CDCP1: variants seen among roughly 807,000 people sequenced by gnomAD.
CDCP1 encodes the protein CUB domain-containing protein 1.
CDCP1 carries 29 observed loss-of-function variants against 60.2 expected under a neutral mutation model. The ratio of observed to expected loss-of-function variants is 0.48; its 90% confidence interval spans 0.36 to 0.66. CDCP1 has a LOEUF of 0.66. Among genes scored for constraint, CDCP1 ranks in the 30% least tolerant of loss-of-function variants. The pLI is 0.00. For synonymous variants in CDCP1, 387 were observed against 431.1 expected (o/e 0.90, Z 1.27); for missense variants, 876 against 1,074.3 (o/e 0.82, Z 2.58).
rs1168480768 is a variant in CDCP1 at position 45,091,164 on chromosome 3, G to A, written c.1993+9C>T. On this transcript the variant is annotated intron_variant, in intron 7 of 8. Transcript: ENST00000296129. The surrounding 1 kb of genome is among the most constrained non-coding windows in gnomAD (Gnocchi z 4.8). The stretch of plus-strand genomic sequence containing the variant: ...CATCACTGTCCCCAAAGACCCTGAA[G>A]GCCCTTACCCACAGTCCTTGGGGTA... 2 of 1,603,938 alleles carry A rather than the reference G, an allele frequency of 1.2e-6. No homozygotes were observed. The highest frequency in any genetic ancestry group is 1.7e-6 in the Non-Finnish European group (2 of 1,173,176).
chr3:45,142,237 C>A (rs554863166), intron 1 of CDCP1, among the ~76,000 whole-genome samples: 2 of 152,138 alleles, frequency 1.3e-5, no homozygotes, highest in African/African-American at 2.4e-5. Flanking sequence ...TGACCTCAAT[C>A]AGGGGTCTTT....
Position 45,086,653 on chromosome 3 carries a change from C to T in CDCP1, c.2082-586G>A, listed in dbSNP as rs562361252. ...CAGCATTAGCAGAGAGACCCAGTGC[C>T]TCAGTAGTCACCCCCAACAGAGGAA... On this transcript the variant is annotated intron_variant, in intron 8 of 8. Transcript: ENST00000296129. Among the ~76,000 whole-genome samples the T allele has an allele frequency of 9.6e-4, 146 of 152,322 alleles. 5 individuals are homozygous for T. The South Asian group carries it at 0.029, about 30-fold the overall frequency.
chr3:45,129,419 G>C (rs1699051207), intron 1 of CDCP1, among the ~76,000 whole-genome samples: 1 of 152,162 alleles, frequency 6.6e-6, no homozygotes, highest in African/African-American at 2.4e-5. Flanking sequence ...CTTTGAACAC[G>C]GGAATTGCAG....
intron 8 of CDCP1, among the ~76,000 whole-genome samples, chr3:45,087,772 C>A (rs1698220453): frequency 6.6e-6 from 1 of 152,144 alleles, no homozygotes; most frequent in Non-Finnish European, 1.5e-5. Context: ...GTAATCTCAG[C>A]ACTTTGGGAG....
chr3:45,144,404 G>A (rs954989836), intron 1 of CDCP1, among the ~76,000 whole-genome samples: 19 of 152,200 alleles, frequency 1.2e-4, no homozygotes, highest in Admixed American at 3.3e-4. Flanking sequence ...TCAGCCTGAT[G>A]TACCCTCAAA....
intron 1 of CDCP1, among the ~76,000 whole-genome samples, chr3:45,124,711 G>C (rs1313322059): frequency 1.3e-5 from 2 of 152,188 alleles, no homozygotes; most frequent in African/African-American, 2.4e-5. Context: ...TTTTCAGACT[G>C]AGCATCAGAT....
intron 1 of CDCP1, among the ~76,000 whole-genome samples, chr3:45,143,506 A>G (rs542669665): frequency 6.6e-6 from 1 of 152,364 alleles, no homozygotes; most frequent in South Asian, 2.1e-4. Flanking sequence ...ATACAATGGG[A>G]TGATCCCATT....
At chr3:45,086,156 C>A (rs1698190650) in intron 8 of CDCP1, 89 bp from the exon 9 acceptor site, 8 of 1,165,214 alleles carry the variant, frequency 6.9e-6, no homozygotes, top group Admixed American at 5.9e-5. Flanking sequence ...AGCTTGGATT[C>A]TTTAGGGTTC....
In CDCP1 at chr3:45,118,511, T is replaced by C; in HGVS notation, c.193A>G (p.Ile65Val). Residue 65 changes from isoleucine (I) to valine (V), a missense_variant, in exon 2 of 9, where the codon ATA (isoleucine) becomes GTA (valine). This residue lies in a region of CDCP1 where 150 missense variants were observed against 138.6 expected (regional missense o/e 1.08). Transcript: ENST00000296129. ...CCAGACTTGATGGACAACATGGTTA[T>C]ATGTCTTTTAGAAATGACGATGTAA... Reference protein sequence around the residue: ...PCYIVISKRHITMLSIKSGER... With the variant: ...PCYIVISKRHVTMLSIKSGER... 1.2e-6 allele frequency: 2 copies of C among 1,614,164 alleles called. No individual in the cohort carries two copies. The highest frequency in any genetic ancestry group is 1.7e-6 in the Non-Finnish European group (2 of 1,179,972).
intron 1 of CDCP1, among the ~76,000 whole-genome samples, chr3:45,134,150 T>G (rs1699152983): frequency 6.9e-6 from 1 of 145,672 alleles, no homozygotes; most frequent in African/African-American, 2.6e-5. Flanking sequence ...ACTTCTTTCT[T>G]TTTTTTTTTT....
chr3:45,143,264 T>C (rs1267628696), intron 1 of CDCP1, among the ~76,000 whole-genome samples: 1 of 152,136 alleles, frequency 6.6e-6, no homozygotes, highest in Non-Finnish European at 1.5e-5. Flanking sequence ...CTTAGATACA[T>C]CAAAATGGGA....
chr3:45,093,546 G>A lies in CDCP1; in HGVS notation c.1358C>T (p.Pro453Leu). ...LHDFSWKLLVPKDRLSLVLVP... is the reference protein window; with the variant it reads ...LHDFSWKLLVLKDRLSLVLVP... ...CAGCACCAGGCTGAGCCTGTCCTTGGGCACCAGCAGCTTCCAGGAGAAGTC... is the reference window on the plus strand; with the variant it reads ...CAGCACCAGGCTGAGCCTGTCCTTGAGCACCAGCAGCTTCCAGGAGAAGTC... Residue 453 changes from proline to leucine, a missense_variant, in exon 6 of 9, where the codon CCC becomes CTC. Physicochemically the swap from Pro to Leu is moderately conservative, Grantham distance 98. Around this residue, in one of 2 missense-constraint regions of CDCP1, gnomAD observed 726 missense variants for 935.7 expected, o/e 0.78. Coordinates refer to ENST00000296129, the MANE Select transcript of CDCP1 (RefSeq NM_022842.5). The A allele has an allele frequency of 6.2e-7, 1 of 1,614,212 alleles. No homozygotes were observed. The highest frequency in any genetic ancestry group is 8.5e-7 in the Non-Finnish European group (1 of 1,180,024).
chr3:45,110,895 C>A, intron 3 of CDCP1, 54 bp from the exon 4 acceptor site: 1 of 1,551,440 alleles, frequency 6.4e-7, no homozygotes, highest in Non-Finnish European at 8.7e-7. Context: ...AGACCCTGTC[C>A]TGGTTGTCTG....
At chr3:45,105,029 C>A (rs1435742934) in intron 4 of CDCP1, among the ~76,000 whole-genome samples, 1 of 152,178 alleles carries the variant, frequency 6.6e-6, no homozygotes, top group Non-Finnish European at 1.5e-5. Flanking sequence ...GCCTGGGCAA[C>A]AAGAGCAAAA....
chr3:45,110,401 A>G, intron 4 of CDCP1, 72 bp downstream of exon 4: 1 of 1,561,428 alleles, frequency 6.4e-7, no homozygotes, highest in African/African-American at 1.4e-5. Flanking sequence ...AGGGAGCCTC[A>G]CCCAGGCAGA....
At chr3:45,143,439 T>C (rs1699328431) in intron 1 of CDCP1, among the ~76,000 whole-genome samples, 1 of 152,208 alleles carries the variant, frequency 6.6e-6, no homozygotes, top group Admixed American at 6.5e-5. Context: ...GTTCTATTTT[T>C]AATAAGAAAA....
chr3:45,138,702 A>G (rs1699231979), intron 1 of CDCP1, among the ~76,000 whole-genome samples: 1 of 152,130 alleles, frequency 6.6e-6, no homozygotes, highest in Admixed American at 6.5e-5. Context: ...TACAAAAATT[A>G]GCCGGAGGTG....
chr3:45,095,703 T>C (rs1698386835), intron 4 of CDCP1, 135 bp from the exon 5 acceptor site: 3 of 661,530 alleles, frequency 4.5e-6, no homozygotes, highest in Non-Finnish European at 7.9e-6. Context: ...TGGGAAAACG[T>C]ATTATTAAGG....
intron 1 of CDCP1, among the ~76,000 whole-genome samples, chr3:45,140,351 C>G (rs1019215457): frequency 6.6e-6 from 1 of 152,208 alleles, no homozygotes; most frequent in African/African-American, 2.4e-5. Flanking sequence ...CTCCCGGAAC[C>G]CTTTGATCTC....
Sources: allele counts gnomAD v4.1 joint callset (sites outside exome capture counted in the v4.1 genomes callset), GRCh38; gene constraint gnomAD v4.1.1; regional missense constraint gnomAD v4.1.1; non-coding constraint Gnocchi (gnomAD v3.1); transcripts MANE v1.5; gene names NCBI Gene and HGNC (gene_info 2026-07-23, HGNC 2026-07-21).